MTG1: variants seen among roughly 807,000 people sequenced by gnomAD.
The protein encoded by MTG1 is mitochondrial ribosome-associated GTPase 1.
MTG1 carries 30 observed loss-of-function variants against 39.5 expected under a neutral mutation model. The observed-to-expected ratio is 0.76, with a 90% confidence interval of 0.57 to 1.03. MTG1 has a LOEUF of 1.03. MTG1 is among the 50% of genes least tolerant of loss of function. The pLI, the probability that MTG1 is intolerant of heterozygous loss-of-function variation, is 0.00. For missense variants in MTG1, 513 were observed against 447.4 expected, an observed-to-expected ratio of 1.15 and a Z score of -1.32; for synonymous variants, 217 against 179.0, an observed-to-expected ratio of 1.21 and a Z score of -1.69.
At chr10:133,411,070 C>T in intron 9 of MTG1, among the ~76,000 whole-genome samples, 1 of 152,156 alleles carries the variant, frequency 6.6e-6, no homozygotes, top group East Asian at 1.9e-4. Flanking sequence ...TTTTATACTT[C>T]ACATGTTTTC....
At chr10:133,399,726 A>T in intron 6 of MTG1, 107 bp downstream of exon 6, 1 of 1,164,288 alleles carries the variant, frequency 8.6e-7, no homozygotes, top group East Asian at 2.4e-5. Flanking sequence ...GAGCACTGCC[A>T]GTCTTCTGCT....
chr10:133,409,923 G>C (rs1474332119), intron 9 of MTG1, among the ~76,000 whole-genome samples: 2 of 130,954 alleles, frequency 1.5e-5, no homozygotes, highest in Admixed American at 7.9e-5. Flanking sequence ...TTTGGTTTCT[G>C]TTTACATGGA....
chr10:133,414,035 T>C (rs968684340), intron 9 of MTG1, among the ~76,000 whole-genome samples: 8 of 149,752 alleles, frequency 5.3e-5, no homozygotes, highest in Non-Finnish European at 8.9e-5. Context: ...CGAAGGTCTC[T>C]GGTTTTCCTA....
intron 1 of MTG1, among the ~76,000 whole-genome samples, chr10:133,395,092 C>A (rs111986495): frequency 6.6e-6 from 1 of 152,150 alleles, no homozygotes; most frequent in South Asian, 2.1e-4. Flanking sequence ...TGTGTTATAG[C>A]CCAGATTAAG....
chr10:133,420,201 C>T lies in MTG1; in HGVS notation c.*36C>T, dbSNP rs1369088398. ...GTAGGGAGGGCCGGAGGCATGTGGC[C>T]TCCCAGACCTCCTGACCTGGGTGGT... On this transcript the variant is annotated 3_prime_UTR_variant, in exon 11 of 11. Coordinates refer to ENST00000317502, the MANE Select transcript of MTG1 (RefSeq NM_138384.4). 1.9e-6 allele frequency: 3 copies of T among 1,571,184 alleles called. No individual in the cohort carries two copies. Among genetic ancestry groups the T allele is most frequent in the Non-Finnish European group, 2.6e-6 (3 of 1,159,180 alleles).
At chr10:133,410,584 CA>C (rs1252515929) in intron 9 of MTG1, among the ~76,000 whole-genome samples, 8 of 152,162 alleles carry the variant, frequency 5.3e-5, no homozygotes, top group Non-Finnish European at 1.2e-4. Flanking sequence ...ATCAGGCTTA[CA>C]AAAAGCATTT....
At chr10:133,405,217 G>C (rs1235607380) in intron 9 of MTG1, among the ~76,000 whole-genome samples, 3 of 152,162 alleles carry the variant, frequency 2.0e-5, no homozygotes, top group Non-Finnish European at 4.4e-5. Flanking sequence ...GTAGTTTACA[G>C]TGTTTTGTAA....
intron 4 of MTG1, 61 bp downstream of exon 4, chr10:133,398,576 T>C (rs1019788960): frequency 2.0e-6 from 3 of 1,528,196 alleles, no homozygotes; most frequent in Non-Finnish European, 2.7e-6. Context: ...AGGAGCATTA[T>C]AAACTGTTTT....
intron 10 of MTG1, 41 bp from the exon 11 acceptor site, chr10:133,419,985 C>A: frequency 6.3e-7 from 1 of 1,575,646 alleles, no homozygotes; most frequent in South Asian, 1.2e-5. Flanking sequence ...GCCTGTCCTG[C>A]TGTGAAGGCT....
At chr10:133,416,005 C>CGG (rs1850124030) in intron 9 of MTG1, among the ~76,000 whole-genome samples, 1 of 137,458 alleles carries the variant, frequency 7.3e-6, no homozygotes. Flanking sequence ...GTCGGGCAGG[C>CGG]GGGTGTCGGG....
intron 9 of MTG1, among the ~76,000 whole-genome samples, chr10:133,410,427 T>C (rs1464573360): frequency 6.6e-6 from 1 of 152,220 alleles, no homozygotes; most frequent in Admixed American, 6.5e-5. Context: ...AGACTTAATA[T>C]TGCCATTTTG....
chr10:133,398,580 C>T, intron 4 of MTG1, 65 bp downstream of exon 4: 2 of 1,502,966 alleles, frequency 1.3e-6, no homozygotes, highest in South Asian at 1.2e-5. Flanking sequence ...GCATTATAAA[C>T]TGTTTTATGC....
At chr10:133,399,835 T>C in intron 6 of MTG1, 1 of 487,276 alleles carries the variant, frequency 2.1e-6, no homozygotes, top group Non-Finnish European at 3.6e-6. Flanking sequence ...ACACTTAATT[T>C]TTCTCTCTTT....
chr10:133,420,124 G>A lies in MTG1; in HGVS notation c.964G>A (p.Asp322Asn), dbSNP rs11553728. The A allele has an allele frequency of 3.1e-6, 5 of 1,613,136 alleles. No individual in the cohort carries two copies. Among genetic ancestry groups the A allele is most frequent in the South Asian group, 2.2e-5 (2 of 91,010 alleles). Residue 322 changes from aspartate (D) to asparagine (N), a missense_variant, in exon 11 of 11, where the codon GAC (aspartate) becomes AAC (asparagine). Asp to Asn is a conservative substitution (Grantham distance 23). Coordinates refer to ENST00000317502, the MANE Select transcript of MTG1 (RefSeq NM_138384.4). Reference sequence around the variant, plus strand: ...GCTGGGTTCCGTGATGCTGGACCTCGACGTCCTGCGGGGCCACCCCCCGGC... The same window carrying A: ...GCTGGGTTCCGTGATGCTGGACCTCAACGTCCTGCGGGGCCACCCCCCGGC... Reference protein sequence around the residue: ...GLLGSVMLDLDVLRGHPPAET... With the variant: ...GLLGSVMLDLNVLRGHPPAET...
At position 133,402,872 on chromosome 10, in the gene MTG1, T is replaced by C. The variant is rs1337069606; in HGVS notation, c.752+99T>C. 49 of 908,208 alleles carry C rather than the reference T, an allele frequency of 5.4e-5. 1 individual carries two copies. Among genetic ancestry groups the C allele is most frequent in the South Asian group, 3.7e-4 (22 of 59,338 alleles). The allele number at this position is 908,208 out of a possible 1,614,324, so 56.3% of individuals were successfully genotyped here. On this transcript the variant is annotated intron_variant, in intron 9 of 10. Coordinates refer to ENST00000317502, the MANE Select transcript of MTG1 (RefSeq NM_138384.4). The surrounding 1 kb of genome is among the most constrained non-coding windows in gnomAD (Gnocchi z 4.7). ...AAAAACCCCCAGCATTATAAAGGTATTATAAACACGGTAACCTGCACATCG... is the reference window on the plus strand; with the variant it reads ...AAAAACCCCCAGCATTATAAAGGTACTATAAACACGGTAACCTGCACATCG...
intron 6 of MTG1, among the ~76,000 whole-genome samples, chr10:133,400,804 C>T (rs1198734849): frequency 6.6e-6 from 1 of 152,232 alleles, no homozygotes; most frequent in African/African-American, 2.4e-5. Context: ...TCTGTGAATT[C>T]GATGACTGTA....
intron 9 of MTG1, among the ~76,000 whole-genome samples, chr10:133,411,538 C>T (rs1426490540): frequency 6.6e-6 from 1 of 152,146 alleles, no homozygotes; most frequent in African/African-American, 2.4e-5. Flanking sequence ...ACTTTCTGTG[C>T]CTTCCTCTTG....
intron 9 of MTG1, among the ~76,000 whole-genome samples, chr10:133,406,477 G>T (rs1232341229): frequency 6.6e-6 from 1 of 151,326 alleles, no homozygotes; most frequent in Non-Finnish European, 1.5e-5. Flanking sequence ...TTCCTTTGCT[G>T]TGCAGAAGCT....
Position 133,402,854 on chromosome 10 carries a change from C to A in MTG1, c.752+81C>A. 1 of 1,084,430 alleles carries A rather than the reference C, an allele frequency of 9.2e-7. No homozygotes were observed. Among genetic ancestry groups the A allele is most frequent in the Non-Finnish European group, 1.3e-6 (1 of 753,318 alleles). The allele number at this position is 1,084,430 out of a possible 1,614,324, so 67.2% of individuals were successfully genotyped here. A position where few individuals can be genotyped will look rare whatever the true frequency, so the allele number is the denominator to read the frequency against. The stretch of plus-strand genomic sequence containing the variant: ...AAAAAAAAAAACAAACAAAAAAACC[C>A]CCAGCATTATAAAGGTATTATAAAC... On this transcript the variant is annotated intron_variant, in intron 9 of 10. Transcript: ENST00000317502. This position sits in a 1 kb window ranked among gnomAD's most constrained non-coding sequence, Gnocchi z 4.7.
Sources: allele counts gnomAD v4.1 joint callset (sites outside exome capture counted in the v4.1 genomes callset), GRCh38; gene constraint gnomAD v4.1.1; non-coding constraint Gnocchi (gnomAD v3.1); transcripts MANE v1.5; gene names NCBI Gene and HGNC (gene_info 2026-07-23, HGNC 2026-07-21).